Variants in CAVIN1 observed in about 807,000 individuals in gnomAD.
The protein encoded by CAVIN1 is caveolae associated protein 1.
A neutral mutation model predicts 24.0 loss-of-function variants in CAVIN1; 16 were observed. The observed-to-expected ratio is 0.67, with a 90% CI of 0.45 to 1.01. The LOEUF is 1.01. CAVIN1 is among the 50% of genes least tolerant of loss of function. The pLI is 0.00. For synonymous variants in CAVIN1, 256 were observed against 256.4 expected (o/e 1.00, Z 0.02); for missense variants, 510 against 551.7 (o/e 0.92, Z 0.76).
intron 1 of CAVIN1, among the ~76,000 whole-genome samples, chr17:42,421,827 CT>C (rs1236159166): frequency 6.6e-6 from 1 of 152,120 alleles, no homozygotes; most frequent in Non-Finnish European, 1.5e-5. Flanking sequence ...CTCGCCCAGA[CT>C]GCGCCCAGAC....
intron 1 of CAVIN1, among the ~76,000 whole-genome samples, chr17:42,416,424 C>T (rs938282778): frequency 2.5e-4 from 37 of 150,836 alleles, no homozygotes; most frequent in African/African-American, 8.8e-4. Flanking sequence ...GAAAGAAGGC[C>T]GGAAGGAATT....
chr17:42,413,558 C>CA (rs2085492992), intron 1 of CAVIN1, among the ~76,000 whole-genome samples: 2 of 57,008 alleles, frequency 3.5e-5, no homozygotes, highest in African/African-American at 5.7e-5. Flanking sequence ...AAGTCTGTCT[C>CA]AAAAAGGGAA....
chr17:42,419,376 C>T (rs1465276396), intron 1 of CAVIN1, among the ~76,000 whole-genome samples: 3 of 151,886 alleles, frequency 2.0e-5, no homozygotes, highest in Non-Finnish European at 2.9e-5. Context: ...TGCAATAACA[C>T]GATCTCGCTC....
chr17:42,408,012 G>T (rs1295687035), intron 1 of CAVIN1, among the ~76,000 whole-genome samples: 1 of 151,660 alleles, frequency 6.6e-6, no homozygotes, highest in Non-Finnish European at 1.5e-5. Flanking sequence ...TTTACCTGCA[G>T]CCCCAGTATA....
chr17:42,408,790 CTT>C (rs67299164), intron 1 of CAVIN1, among the ~76,000 whole-genome samples: 33 of 120,772 alleles, frequency 2.7e-4, no homozygotes, highest in Non-Finnish European at 3.0e-4. Flanking sequence ...CGTGCCCGGC[CTT>C]TTTTTTTTTT....
chr17:42,422,507 GC>G (rs1442480745), intron 1 of CAVIN1, 119 bp downstream of exon 1: 6 of 657,474 alleles, frequency 9.1e-6, no homozygotes, highest in Non-Finnish European at 1.5e-5. Flanking sequence ...GATCTGCCGG[GC>G]GCCCGGGCCA....
chr17:42,422,512 C>A, intron 1 of CAVIN1, 115 bp downstream of exon 1: 3 of 761,814 alleles, frequency 3.9e-6, no homozygotes, highest in Non-Finnish European at 6.3e-6. Context: ...GCCGGGCGCC[C>A]GGGCCAGGCT....
intron 1 of CAVIN1, chr17:42,411,361 C>T: frequency 2.3e-6 from 2 of 866,036 alleles, no homozygotes; most frequent in Non-Finnish European, 2.8e-6. Flanking sequence ...CAGAACCAGC[C>T]TGGGCAACAC....
intron 1 of CAVIN1, among the ~76,000 whole-genome samples, chr17:42,415,158 C>T (rs2085504425): frequency 6.6e-6 from 1 of 152,140 alleles, no homozygotes; most frequent in Admixed American, 6.6e-5. Flanking sequence ...ACTCCCTCAG[C>T]AAGTGTCGGA....
intron 1 of CAVIN1, chr17:42,411,443 G>A (rs2085478248): frequency 3.0e-6 from 3 of 985,210 alleles, no homozygotes. Flanking sequence ...GCTATAGGAA[G>A]GCCAGAGGTC....
rs565515046 is a variant in CAVIN1, at chr17:42,404,083, C to G, written c.*604G>C. ...TTCCCAGGGCTTCTCTTGGCTCCAG[C>G]GTTCCTCTGGGACCCTCTGCAGATA... is the stretch of plus-strand genomic sequence containing the variant. On this transcript the variant is annotated 3_prime_UTR_variant, in exon 2 of 2. Coordinates refer to ENST00000357037, the MANE Select transcript of CAVIN1 (RefSeq NM_012232.6). 1 of 153,152 alleles carries G rather than the reference C, an allele frequency of 6.5e-6. No homozygotes were observed. The highest frequency in any genetic ancestry group is 1.5e-5 in the Non-Finnish European group (1 of 68,692). The allele number at this position is 153,152 out of a possible 1,614,324, so 9.5% of individuals were successfully genotyped here.
Position 42,404,999 on chromosome 17 carries a change from G to A in CAVIN1, c.861C>T (p.Arg287=), listed in dbSNP as rs2085433986. 1.2e-6 allele frequency: 2 copies of A among 1,614,142 alleles called. No homozygotes were observed. Among genetic ancestry groups the A allele is most frequent in the Non-Finnish European group, 1.7e-6 (2 of 1,180,000 alleles). The change falls in exon 2 of 2, where the codon CGC becomes CGT. Residue 287 remains arginine, a synonymous_variant. Coordinates refer to ENST00000357037, the MANE Select transcript of CAVIN1 (RefSeq NM_012232.6). The part of the protein sequence containing the change: ...LGTRLVPAER[R]EKLKTSRDKL... ...TGTCCCGCGACGTCTTCAGTTTCTC[G>A]CGCCGCTCGGCGGGCACCAGGCGCG...
chr17:42,411,510 T>G, intron 1 of CAVIN1: 1 of 985,288 alleles, frequency 1.0e-6, no homozygotes, highest in Non-Finnish European at 1.2e-6. Context: ...TGGCAGCTTT[T>G]GGGCACCCCA....
chr17:42,411,609 C>G (rs2145478655), intron 1 of CAVIN1: 1 of 985,392 alleles, frequency 1.0e-6, no homozygotes, highest in South Asian at 4.7e-5. Flanking sequence ...ATGTTTTCCT[C>G]AGCTGCAGGG....
At position 42,405,010 on chromosome 17, in the gene CAVIN1, C is replaced by A; in HGVS notation, c.850G>T (p.Ala284Ser). 1 of 1,614,156 alleles carries A rather than the reference C, an allele frequency of 6.2e-7. No individual in the cohort carries two copies. The highest frequency in any genetic ancestry group is 8.5e-7 in the Non-Finnish European group (1 of 1,180,014). ...GTCTTCAGTTTCTCGCGCCGCTCGGCGGGCACCAGGCGCGTGCCCAGCTTG... is the reference window on the plus strand; with the variant it reads ...GTCTTCAGTTTCTCGCGCCGCTCGGAGGGCACCAGGCGCGTGCCCAGCTTG... ...MNKLGTRLVPAERREKLKTSR... is the reference protein window; with the variant it reads ...MNKLGTRLVPSERREKLKTSR... The change falls in exon 2 of 2, where the codon GCC becomes TCC. Residue 284 changes from alanine (A) to serine (S), a missense_variant. By Grantham distance (99) the Ala-to-Ser change is moderately conservative. Coordinates refer to ENST00000357037, the MANE Select transcript of CAVIN1 (RefSeq NM_012232.6).
intron 1 of CAVIN1, among the ~76,000 whole-genome samples, chr17:42,414,110 A>T (rs985676487): frequency 2.0e-5 from 3 of 152,148 alleles, no homozygotes; most frequent in Non-Finnish European, 2.9e-5. Flanking sequence ...CATGTTGGCC[A>T]GGCTGGTCTT....
chr17:42,410,853 C>T lies in CAVIN1; in HGVS notation c.472-5465G>A, dbSNP rs569863597. Among the ~76,000 whole-genome samples the T allele has an allele frequency of 2.4e-5, 3 of 123,418 alleles. No individual in the cohort carries two copies. The East Asian group carries it at 7.6e-4, about 31-fold the overall frequency. 81.0% of individuals were successfully genotyped at this position (123,418 alleles called of 152,430 possible). On this transcript the variant is annotated intron_variant, in intron 1 of 1. Coordinates refer to ENST00000357037, the MANE Select transcript of CAVIN1 (RefSeq NM_012232.6). ...AGATTGCAGTGAGCCGAGATCGTGC[C>T]ACTGTAATCCAGCCTGGCGACGGAG...
intron 1 of CAVIN1, chr17:42,411,610 A>G (rs1372921862): frequency 1.0e-6 from 1 of 985,284 alleles, no homozygotes; most frequent in African/African-American, 1.7e-5. Context: ...TGTTTTCCTC[A>G]GCTGCAGGGA....
chr17:42,411,295 G>A (rs370263060), intron 1 of CAVIN1: 2 of 297,104 alleles, frequency 6.7e-6, no homozygotes. Context: ...GCTCACATCT[G>A]TAATCCCAGC....
Sources: gnomAD v4.1 joint callset for allele counts (sites outside exome capture counted in the v4.1 genomes callset) on GRCh38, gnomAD v4.1.1 for gene constraint, MANE v1.5 for transcripts, NCBI Gene and HGNC (gene_info 2026-07-23, HGNC 2026-07-21) for gene names.